Variants in TRHDE observed in about 807,000 individuals in gnomAD.
TRHDE encodes thyrotropin-releasing hormone-degrading ectoenzyme.
Under a neutral mutation model 125.7 loss-of-function variants are expected in TRHDE, and 72 were observed. The observed-to-expected ratio is 0.57, with a 90% CI of 0.47 to 0.70. TRHDE has a LOEUF of 0.70. Among genes scored for constraint, TRHDE ranks in the 30% least tolerant of loss-of-function variants. TRHDE has a pLI of 0.00. For missense variants in TRHDE, 1,110 were observed against 1,327.1 expected (o/e 0.84, Z 2.54); for synonymous variants, 509 against 509.1 (o/e 1.00, Z 0.00).
rs1875081099 is a variant in TRHDE at position 72,665,492 on chromosome 12, T to C, written c.*2297T>C. ...TGTTTTTGTTCTACATATTTTTCAATAATTTATTCTTTCTAATGTTGAAAT... is the reference window on the plus strand; with the variant it reads ...TGTTTTTGTTCTACATATTTTTCAACAATTTATTCTTTCTAATGTTGAAAT... On this transcript the variant is annotated 3_prime_UTR_variant, in exon 19 of 19. Transcript: ENST00000261180. The C allele has an allele frequency of 6.6e-6, 1 of 152,522 alleles. No individual in the cohort carries two copies. The highest frequency in any genetic ancestry group is 2.4e-5 in the African/African-American group (1 of 41,456). 9.4% of individuals were successfully genotyped at this position (152,522 alleles called of 1,614,324 possible). A position where few individuals can be genotyped will look rare whatever the true frequency, so the allele number is the denominator to read the frequency against.
At chr12:72,594,790 T>A (rs576040357) in intron 12 of TRHDE, among the ~76,000 whole-genome samples, 13 of 152,074 alleles carry the variant, frequency 8.5e-5, no homozygotes, top group African/African-American at 3.1e-4. Context: ...CTATAAATCA[T>A]GCTGCTATAA....
intron 2 of TRHDE, among the ~76,000 whole-genome samples, chr12:72,348,740 C>G (rs1870447277): frequency 6.6e-6 from 1 of 151,974 alleles, no homozygotes; most frequent in Non-Finnish European, 1.5e-5. Context: ...TATAGGCATT[C>G]TTTTGAGACC....
intron 2 of TRHDE, among the ~76,000 whole-genome samples, chr12:72,221,364 T>TG (rs1414204696): frequency 6.6e-6 from 1 of 152,054 alleles, no homozygotes; most frequent in Non-Finnish European, 1.5e-5. Flanking sequence ...TATGAAGAAA[T>TG]ATATCAAGTT....
intron 1 of TRHDE, among the ~76,000 whole-genome samples, chr12:72,095,654 A>G (rs1184513056): frequency 6.6e-6 from 1 of 152,236 alleles, no homozygotes. Context: ...AGTCAGTGAT[A>G]GCACGCTGGT....
At chr12:72,287,434 CAT>C (rs1249847865) in intron 2 of TRHDE, among the ~76,000 whole-genome samples, 2 of 152,122 alleles carry the variant, frequency 1.3e-5, no homozygotes, top group Admixed American at 1.3e-4. Flanking sequence ...GAAAGTAAAA[CAT>C]AGGATGGAGT....
At position 72,666,941 on chromosome 12, in the gene TRHDE, CT is replaced by C. The variant is rs1214832101; in HGVS notation, c.*3748del. The stretch of plus-strand genomic sequence containing the variant: ...ATAACCTTAAAGTACTGATAATTTG[CT>C]TAATTTTCAACACAAATTTATCTGA... On this transcript the variant is annotated 3_prime_UTR_variant, in exon 19 of 19. Coordinates refer to ENST00000261180, the MANE Select transcript of TRHDE (RefSeq NM_013381.3). The C allele has an allele frequency of 7.9e-5, 12 of 151,942 alleles. No homozygotes were observed. The highest frequency in any genetic ancestry group is 7.2e-4 in the Admixed American group (11 of 15,232). The allele number at this position is 151,942 out of a possible 1,614,324, so 9.4% of individuals were successfully genotyped here. A position where few individuals can be genotyped will look rare whatever the true frequency, so the allele number is the denominator to read the frequency against.
chr12:72,114,686 G>A (rs1228099092), intron 2 of TRHDE, among the ~76,000 whole-genome samples: 1 of 152,066 alleles, frequency 6.6e-6, no homozygotes, highest in Non-Finnish European at 1.5e-5. Flanking sequence ...GGTCAACTGT[G>A]TGTGCAGTGG....
chr12:72,196,916 T>A (rs1480472254), intron 2 of TRHDE, among the ~76,000 whole-genome samples: 1 of 152,088 alleles, frequency 6.6e-6, no homozygotes, highest in African/African-American at 2.4e-5. Context: ...TAAATAGTAA[T>A]TTATCCTAAT....
chr12:72,178,057 T>G (rs1412188215), intron 2 of TRHDE, among the ~76,000 whole-genome samples: 1 of 152,174 alleles, frequency 6.6e-6, no homozygotes, highest in African/African-American at 2.4e-5. Flanking sequence ...ATGAGCAGTT[T>G]CTATGATATT....
At chr12:72,532,217 A>G (rs1868592075) in intron 6 of TRHDE, among the ~76,000 whole-genome samples, 1 of 151,874 alleles carries the variant, frequency 6.6e-6, no homozygotes, top group Admixed American at 6.6e-5. Context: ...TCAATAAATT[A>G]ATTCCTTAAA....
chr12:72,645,228 A>G (rs1329109398), intron 15 of TRHDE, among the ~76,000 whole-genome samples: 2 of 152,230 alleles, frequency 1.3e-5, no homozygotes, highest in Admixed American at 6.5e-5. Context: ...TCAAGAGTAC[A>G]GTGCATTAAA....
At chr12:72,543,313 G>A (rs1229724763) in intron 7 of TRHDE, among the ~76,000 whole-genome samples, 34 of 151,396 alleles carry the variant, frequency 2.2e-4, no homozygotes, top group Admixed American at 2.2e-3. Context: ...TAACACAACA[G>A]AAACTATATA....
chr12:72,097,758 A>C (rs1352390788), intron 1 of TRHDE, among the ~76,000 whole-genome samples: 3 of 151,766 alleles, frequency 2.0e-5, no homozygotes, highest in Non-Finnish European at 4.4e-5. Context: ...ATCTTCATTG[A>C]CTATTTTATT....
chr12:72,584,799 T>C (rs1197520942), intron 12 of TRHDE, among the ~76,000 whole-genome samples: 2 of 152,194 alleles, frequency 1.3e-5, no homozygotes, highest in Non-Finnish European at 2.9e-5. Flanking sequence ...AGTTCATCCA[T>C]TGATAGAAAC....
At chr12:72,640,829 G>GAATT (rs1271336295) in intron 15 of TRHDE, among the ~76,000 whole-genome samples, 1 of 152,110 alleles carries the variant, frequency 6.6e-6, no homozygotes, top group Admixed American at 6.5e-5. Flanking sequence ...TCCTTCAAAT[G>GAATT]AATTAATTAA....
At chr12:72,488,571 C>G (rs1877517641) in intron 5 of TRHDE, among the ~76,000 whole-genome samples, 1 of 151,758 alleles carries the variant, frequency 6.6e-6, no homozygotes, top group South Asian at 2.1e-4. Flanking sequence ...ACTTCAATAC[C>G]CACTTTCAAC....
chr12:72,590,144 G>C (rs990365914), intron 12 of TRHDE, among the ~76,000 whole-genome samples: 2 of 149,614 alleles, frequency 1.3e-5, no homozygotes, highest in East Asian at 3.9e-4. Context: ...GATTACTCAA[G>C]TATATTACTT....
intron 2 of TRHDE, among the ~76,000 whole-genome samples, chr12:72,361,750 C>T (rs1435993688): frequency 7.8e-6 from 1 of 128,438 alleles, no homozygotes; most frequent in African/African-American, 3.0e-5. Context: ...GTGTGATGTT[C>T]CCCTTCCTGT....
intron 3 of TRHDE, among the ~76,000 whole-genome samples, chr12:72,382,269 T>C (rs1045603394): frequency 6.6e-6 from 1 of 152,052 alleles, no homozygotes; most frequent in Non-Finnish European, 1.5e-5. Context: ...ACCGGTGACC[T>C]TGACAAAAGC....
Sources: gnomAD v4.1 joint callset for allele counts (sites outside exome capture counted in the v4.1 genomes callset) on GRCh38, gnomAD v4.1.1 for gene constraint, MANE v1.5 for transcripts, NCBI Gene and HGNC (gene_info 2026-07-23, HGNC 2026-07-21) for gene names.